The following XKR6 variants were observed in gnomAD, a reference collection of about 807,000 sequenced individuals.
XKR6 encodes XK related 6, also known as XK-related protein 6.
In XKR6, 22 loss-of-function variants were observed where a neutral mutation model predicts 56.7. The ratio of observed to expected loss-of-function variants is 0.39; its 90% CI spans 0.28 to 0.55. The LOEUF (loss-of-function observed/expected upper bound fraction) is 0.55, where lower values mean the gene tolerates loss of function less well. Ranked by LOEUF, XKR6 falls within the 20% of genes least tolerant of loss-of-function variation. The pLI is 0.66. For missense variants in XKR6, 852 were observed against 889.0 expected (o/e 0.96, Z 0.53); for synonymous variants, 524 against 387.8 (o/e 1.35, Z -4.13).
intron 1 of XKR6, among the ~76,000 whole-genome samples, chr8:11,052,759 G>A (rs1049125653): frequency 2.0e-5 from 3 of 150,102 alleles, no homozygotes; most frequent in Non-Finnish European, 4.4e-5. Context: ...CACCGGGAGT[G>A]AGCCCAGAGC....
At chr8:11,033,164 T>G (rs1799034903) in intron 1 of XKR6, among the ~76,000 whole-genome samples, 1 of 151,012 alleles carries the variant, frequency 6.6e-6, no homozygotes, top group Non-Finnish European at 1.5e-5. Flanking sequence ...AAGGGGTTGA[T>G]GATGATGGTA....
intron 1 of XKR6, among the ~76,000 whole-genome samples, chr8:11,089,521 C>A (rs1299454527): frequency 6.6e-6 from 1 of 152,118 alleles, no homozygotes; most frequent in Admixed American, 6.5e-5. Context: ...CTTATAGTCC[C>A]AGCTACAAGG....
intron 1 of XKR6, among the ~76,000 whole-genome samples, chr8:10,976,377 C>T (rs989047493): frequency 5.3e-5 from 8 of 152,156 alleles, no homozygotes; most frequent in African/African-American, 1.7e-4. Context: ...GAAGGGAAAG[C>T]TGCCACCGGG....
chr8:11,039,349 C>T (rs1009982618), intron 1 of XKR6, among the ~76,000 whole-genome samples: 3 of 152,142 alleles, frequency 2.0e-5, no homozygotes, highest in Non-Finnish European at 2.9e-5. Flanking sequence ...AGTGGCTGGG[C>T]AATGAAGCCC....
intron 1 of XKR6, among the ~76,000 whole-genome samples, chr8:11,114,868 C>T (rs1430482307): frequency 6.6e-6 from 1 of 151,814 alleles, no homozygotes; most frequent in East Asian, 1.9e-4. Flanking sequence ...ACTCTTGGTT[C>T]CAATAGCAGT....
chr8:10,998,758 G>C (rs921258007), intron 1 of XKR6, among the ~76,000 whole-genome samples: 2 of 152,264 alleles, frequency 1.3e-5, no homozygotes, highest in Admixed American at 6.5e-5. Context: ...CCCTACCCCT[G>C]AAACCTGACC....
intron 1 of XKR6, among the ~76,000 whole-genome samples, chr8:10,943,595 C>A (rs1801449682): frequency 6.6e-6 from 1 of 152,168 alleles, no homozygotes; most frequent in Admixed American, 6.5e-5. Flanking sequence ...AATTCCACCC[C>A]TCGCTCGTCC....
Position 10,897,710 on chromosome 8 carries a change from G to T in XKR6, c.*242C>A. 1 of 416,782 alleles carries T rather than the reference G, an allele frequency of 2.4e-6. No homozygotes were observed. Among genetic ancestry groups the T allele is most frequent in the South Asian group, 9.7e-5 (1 of 10,330 alleles). The allele number at this position is 416,782 out of a possible 1,614,324, so 25.8% of individuals were successfully genotyped here. On this transcript the variant is annotated 3_prime_UTR_variant, in exon 3 of 3. Transcript: ENST00000416569. ...AAAACAAAAGAAAGGTTTTCTTTTTGTTTTTACTTACAAAACATAGAGAAT... is the reference window on the plus strand; with the variant it reads ...AAAACAAAAGAAAGGTTTTCTTTTTTTTTTTACTTACAAAACATAGAGAAT...
At chr8:11,165,591 A>G (rs1249693248) in intron 1 of XKR6, among the ~76,000 whole-genome samples, 1 of 152,148 alleles carries the variant, frequency 6.6e-6, no homozygotes, top group African/African-American at 2.4e-5. Context: ...ATAATTTACT[A>G]GCAACTCTTT....
At chr8:11,041,794 G>A (rs573052452) in intron 1 of XKR6, among the ~76,000 whole-genome samples, 33 of 152,282 alleles carry the variant, frequency 2.2e-4, no homozygotes, top group Middle Eastern at 6.8e-3. Context: ...GGGACCTTAC[G>A]CTACTGGTGG....
At chr8:11,057,852 A>T (rs999926281) in intron 1 of XKR6, among the ~76,000 whole-genome samples, 1 of 152,278 alleles carries the variant, frequency 6.6e-6, no homozygotes, top group East Asian at 1.9e-4. Flanking sequence ...GTTCCTGAGG[A>T]CACAATGCAC....
chr8:11,071,048 G>A (rs1021019761), intron 1 of XKR6, among the ~76,000 whole-genome samples: 4 of 152,158 alleles, frequency 2.6e-5, no homozygotes, highest in South Asian at 2.1e-4. Flanking sequence ...ATCTCCTCCT[G>A]GCCAGTTCAT....
At chr8:11,178,067 C>T (rs1802752221) in intron 1 of XKR6, among the ~76,000 whole-genome samples, 1 of 152,116 alleles carries the variant, frequency 6.6e-6, no homozygotes. Flanking sequence ...GAGTGCAGGG[C>T]CTAGTGACCG....
intron 1 of XKR6, among the ~76,000 whole-genome samples, chr8:10,941,891 G>A (rs1801395640): frequency 6.6e-6 from 1 of 152,104 alleles, no homozygotes; most frequent in Admixed American, 6.5e-5. Flanking sequence ...CCCTTCCACG[G>A]CTGCCTCTGC....
At chr8:10,900,857 C>CTTTTTT (rs139738888) in intron 2 of XKR6, among the ~76,000 whole-genome samples, 18,749 of 114,210 alleles carry the variant, frequency 0.16, 2,860 homozygotes, top group African/African-American at 0.31. Flanking sequence ...GTGCAATTAC[C>CTTTTTT]TTTTTTTTTT....
chr8:11,071,167 G>C (rs1479265733), intron 1 of XKR6, among the ~76,000 whole-genome samples: 1 of 152,202 alleles, frequency 6.6e-6, no homozygotes, highest in African/African-American at 2.4e-5. Flanking sequence ...GGTGGTGTGA[G>C]GTCTCAGCCC....
chr8:10,975,870 G>A (rs1209022062), intron 1 of XKR6, among the ~76,000 whole-genome samples: 1 of 152,110 alleles, frequency 6.6e-6, no homozygotes, highest in African/African-American at 2.4e-5. Context: ...CTCCCTCATG[G>A]GAACACGGAG....
chr8:11,190,023 G>A (rs748018399), intron 1 of XKR6, among the ~76,000 whole-genome samples: 17 of 152,104 alleles, frequency 1.1e-4, no homozygotes, highest in Non-Finnish European at 2.2e-4. Context: ...CGGGTATGGT[G>A]GCTCATGCCT....
rs371679209 is a variant in XKR6, at chr8:10,961,102, G to T, written c.765-36272C>A. Among the ~76,000 whole-genome samples the T allele has an allele frequency of 4.6e-5, 7 of 152,262 alleles. No homozygotes were observed. In the East Asian group the frequency reaches 7.7e-4, roughly 17 times the overall value. On this transcript the variant is annotated intron_variant, in intron 1 of 2. Transcript: ENST00000416569. ...CGGAGGCATGGCAGGCAGGGACAGA[G>T]CATGAGGCAGAGAGAGGGTGGAGGG...
Sources: allele counts gnomAD v4.1 joint callset (sites outside exome capture counted in the v4.1 genomes callset), GRCh38; gene constraint gnomAD v4.1.1; transcripts MANE v1.5; gene names NCBI Gene and HGNC (gene_info 2026-07-23, HGNC 2026-07-21).